The following ZFX variants were observed in gnomAD, a reference collection of about 807,000 sequenced individuals.
ZFX encodes zinc finger protein X-linked, also known as zinc finger X-chromosomal protein.
For synonymous variants in ZFX, 196 were observed against 226.8 expected (o/e 0.86, Z 1.22); for missense variants, 362 against 628.3 (o/e 0.58, Z 4.53).
intron 3 of ZFX, among the ~76,000 whole-genome samples, chrX:24,163,986 T>C (rs1373384801): frequency 9.2e-6 from 1 of 109,106 alleles, no homozygotes; most frequent in African/African-American, 3.3e-5. Context: ...TTTTTTTTTT[T>C]CTTATTTCAA....
intron 3 of ZFX, among the ~76,000 whole-genome samples, chrX:24,155,318 T>G (rs1256361248): frequency 2.7e-5 from 3 of 112,348 alleles, no homozygotes; most frequent in African/African-American, 9.7e-5. Context: ...TTAAATTTTA[T>G]TGTGATCCTT....
chrX:24,209,182 T>C (rs1446084966), intron 9 of ZFX, 142 bp downstream of exon 9: 1 of 921,980 alleles, frequency 1.1e-6, no homozygotes, highest in Non-Finnish European at 1.5e-6. Flanking sequence ...AAAATATAAT[T>C]TTCAGAATTC....
chrX:24,160,402 G>A (rs761164825), intron 3 of ZFX, among the ~76,000 whole-genome samples: 3 of 107,032 alleles, frequency 2.8e-5, no homozygotes, highest in African/African-American at 6.8e-5. Flanking sequence ...GGGTTCAAGC[G>A]ATTCTCTTGC....
In ZFX at chrX:24,213,127, T is replaced by C. The variant is rs1453263245; in HGVS notation, c.*1751T>C. On this transcript the variant is annotated 3_prime_UTR_variant, in exon 10 of 10. Transcript: ENST00000304543. ...TTCACCATCTTGGCCAGGCTGGTCT[T>C]GAACCCTGACCTCGTGATCCACCTG... is the stretch of plus-strand genomic sequence containing the variant. 3 of 111,769 alleles carry C rather than the reference T, an allele frequency of 2.7e-5. No homozygotes were observed. The highest frequency in any genetic ancestry group is 5.7e-5 in the Non-Finnish European group (3 of 53,088). 9.2% of individuals were successfully genotyped at this position (111,769 alleles called of 1,213,427 possible). A position where few individuals can be genotyped will look rare whatever the true frequency, so the allele number is the denominator to read the frequency against.
In ZFX at chrX:24,159,848, T is replaced by A. The variant is rs370072537; in HGVS notation, c.-29+7018T>A. 4.8e-4 allele frequency among the ~76,000 whole-genome samples: 54 copies of A among 112,002 alleles called. 1 individual carries two copies. The East Asian group carries it at 9.1e-3, about 19-fold the overall frequency. ...TTATCTGTGCTTGGTGTCTTTTGAG[T>A]GTAAATTTGTGGTTTCTGATTTGTT... On this transcript the variant is annotated intron_variant, in intron 3 of 9. Transcript: ENST00000304543.
At chrX:24,151,506 G>A (rs1601772127) in intron 1 of ZFX, 185 bp from the exon 2 acceptor site, 1 of 111,577 alleles carries the variant, frequency 9.0e-6, no homozygotes, top group Non-Finnish European at 1.9e-5. Flanking sequence ...TTTGGCAAAA[G>A]TGGATGGTAT....
At chrX:24,166,231 A>G (rs1489850933) in intron 3 of ZFX, among the ~76,000 whole-genome samples, 1 of 112,439 alleles carries the variant, frequency 8.9e-6, no homozygotes, top group African/African-American at 3.2e-5. Context: ...GTTTTAATAG[A>G]TTGTGAAAGT....
rs147834444 is a variant in ZFX at position 24,189,752 on chromosome X, T to A, written c.646+9982T>A. Among the ~76,000 whole-genome samples the A allele has an allele frequency of 9.0e-3, 1,001 of 111,435 alleles. 11 individuals carry two copies. The highest frequency in any genetic ancestry group is 0.03 in the African/African-American group (932 of 30,684). On this transcript the variant is annotated intron_variant, in intron 5 of 9. Coordinates refer to ENST00000304543, the MANE Select transcript of ZFX (RefSeq NM_003410.4). Reference sequence around the variant, plus strand: ...TAAATACATAAAGTCCAAACTCCTATCTTTAATGTATAAACTCTGAGGGTC... The same window carrying A: ...TAAATACATAAAGTCCAAACTCCTAACTTTAATGTATAAACTCTGAGGGTC...
At chrX:24,170,582 T>A (rs1352659160) in intron 3 of ZFX, among the ~76,000 whole-genome samples, 1 of 108,484 alleles carries the variant, frequency 9.2e-6, no homozygotes, top group African/African-American at 3.3e-5. Flanking sequence ...TTTCTGTTTT[T>A]CATTTGCTTT....
intron 4 of ZFX, among the ~76,000 whole-genome samples, chrX:24,174,396 ATT>A (rs199790697): frequency 2.1e-5 from 2 of 94,537 alleles, no homozygotes; most frequent in Admixed American, 2.4e-4. Flanking sequence ...TTAAATTAAA[ATT>A]TTTTTTTTTT....
Position 24,174,712 on chromosome X carries a change from A to T in ZFX, c.58+1912A>T, listed in dbSNP as rs773501607. On this transcript the variant is annotated intron_variant, in intron 4 of 9. Transcript: ENST00000304543. ...CTGGCCCTAAAATTTTCTTTTTATTATTATTTTATTTTTCTTTTAGCGGCA... is the reference window on the plus strand; with the variant it reads ...CTGGCCCTAAAATTTTCTTTTTATTTTTATTTTATTTTTCTTTTAGCGGCA... 3.1e-3 allele frequency among the ~76,000 whole-genome samples: 338 copies of T among 109,410 alleles called. 2 individuals carry two copies. Among genetic ancestry groups the T allele is most frequent in the African/African-American group, 0.01 (309 of 30,043 alleles).
intron 3 of ZFX, among the ~76,000 whole-genome samples, chrX:24,160,458 C>T (rs1933174530): frequency 9.1e-6 from 1 of 109,981 alleles, no homozygotes; most frequent in South Asian, 3.9e-4. Context: ...ACCAGCACAC[C>T]TGGCTAATTT....
At chrX:24,188,646 T>C (rs1218409665) in intron 5 of ZFX, among the ~76,000 whole-genome samples, 2 of 111,176 alleles carry the variant, frequency 1.8e-5, no homozygotes, top group Non-Finnish European at 3.8e-5. Context: ...CTGCTTTACT[T>C]TTTGGACGTG....
intron 5 of ZFX, among the ~76,000 whole-genome samples, chrX:24,184,785 A>T (rs934084194): frequency 9.0e-6 from 1 of 111,406 alleles, no homozygotes; most frequent in Non-Finnish European, 1.9e-5. Context: ...TTTCCTTTTA[A>T]AATAAAACAT....
At chrX:24,159,740 C>T (rs1933069747) in intron 3 of ZFX, among the ~76,000 whole-genome samples, 1 of 111,658 alleles carries the variant, frequency 9.0e-6, no homozygotes, top group Admixed American at 9.5e-5. Context: ...CCTTGACCTC[C>T]CAAAGTGCTG....
At chrX:24,175,175 CTA>C (rs1483233773) in intron 4 of ZFX, among the ~76,000 whole-genome samples, 3 of 112,409 alleles carry the variant, frequency 2.7e-5, no homozygotes, top group African/African-American at 9.7e-5. Flanking sequence ...TTGAAAGAGA[CTA>C]AACTCTTTGG....
In ZFX at chrX:24,179,381, A is replaced by G. The variant is rs1935467707; in HGVS notation, c.257A>G (p.Asp86Gly). ...VQCPDIMEEA[D>G]VSETVIIPEQ... is the part of the protein sequence containing the mutation. Reference sequence around the variant, plus strand: ...TGCCCAGATATCATGGAAGAAGCAGATGTGTCTGAAACGGTCATCATTCCT... The same window carrying G: ...TGCCCAGATATCATGGAAGAAGCAGGTGTGTCTGAAACGGTCATCATTCCT... The change falls in exon 5 of 10, where the codon GAT (aspartate) becomes GGT (glycine). Residue 86 changes from aspartate to glycine, a missense_variant. Asp to Gly is a moderately conservative substitution (Grantham distance 94, BLOSUM62 -1). Transcript: ENST00000304543. 6.6e-6 allele frequency: 8 copies of G among 1,210,855 alleles called. No individual in the cohort carries two copies. Among genetic ancestry groups the G allele is most frequent in the Non-Finnish European group, 8.9e-6 (8 of 895,480 alleles).
At chrX:24,202,201 T>C (rs1253321767) in intron 5 of ZFX, among the ~76,000 whole-genome samples, 1 of 112,123 alleles carries the variant, frequency 8.9e-6, no homozygotes, top group Non-Finnish European at 1.9e-5. Flanking sequence ...CCTTTTCCTC[T>C]GAGATCTGGA....
At chrX:24,184,464 T>G (rs1265973414) in intron 5 of ZFX, among the ~76,000 whole-genome samples, 1 of 111,212 alleles carries the variant, frequency 9.0e-6, no homozygotes, top group Non-Finnish European at 1.9e-5. Flanking sequence ...TCTCCTCTTT[T>G]AGGAAGTTCA....
Sources: allele counts gnomAD v4.1 joint callset (sites outside exome capture counted in the v4.1 genomes callset), GRCh38; gene constraint gnomAD v4.1.1; transcripts MANE v1.5; gene names NCBI Gene and HGNC (gene_info 2026-07-23, HGNC 2026-07-21).